The following ADGRD1 variants were observed in gnomAD, a reference collection of about 807,000 sequenced individuals.
ADGRD1 encodes the protein adhesion G protein-coupled receptor D1, also known as G-protein coupled receptor 133.
Under a neutral mutation model 113.4 loss-of-function variants are expected in ADGRD1, and 77 were observed. That is an observed-to-expected ratio of 0.68 (90% CI 0.57 to 0.82). The LOEUF (loss-of-function observed/expected upper bound fraction) is 0.82, where lower values mean the gene tolerates loss of function less well. Ranked by LOEUF, ADGRD1 falls within the 40% of genes least tolerant of loss-of-function variation. ADGRD1 has a pLI of 0.00. For missense variants in ADGRD1, 1,036 were observed against 1,139.1 expected (o/e 0.91, Z 1.30); for synonymous variants, 474 against 475.0 (o/e 1.00, Z 0.03).
intron 4 of ADGRD1, among the ~76,000 whole-genome samples, chr12:130,973,612 T>C (rs1322808487): frequency 2.6e-5 from 4 of 152,222 alleles, no homozygotes; most frequent in South Asian, 2.1e-4. Flanking sequence ...GCACCAATCC[T>C]TGGTCTAATC....
intron 4 of ADGRD1, among the ~76,000 whole-genome samples, chr12:130,979,318 T>C (rs1872686255): frequency 6.6e-6 from 1 of 152,152 alleles, no homozygotes; most frequent in African/African-American, 2.4e-5. Flanking sequence ...AAAAATAAAA[T>C]GGGGAAATTC....
intron 5 of ADGRD1, among the ~76,000 whole-genome samples, chr12:130,983,689 C>T (rs1300267298): frequency 6.6e-6 from 1 of 152,192 alleles, no homozygotes; most frequent in Non-Finnish European, 1.5e-5. Context: ...ATACTTTGGA[C>T]CAACCTAGGG....
In ADGRD1 at chr12:130,954,600, C is replaced by CA; in HGVS notation, c.67-23dup. ...CCGGAGGCTTTCCCTGAGTGTGTCT[C>CA]ACACTGTGGTCTTTTGTGCGCAGGT... is the stretch of plus-strand genomic sequence containing the variant. On this transcript the variant is annotated intron_variant, in intron 1 of 24. Coordinates refer to ENST00000261654, the MANE Select transcript of ADGRD1 (RefSeq NM_198827.5). This position sits in a 1 kb window ranked among gnomAD's most constrained non-coding sequence, Gnocchi z 4.7. The CA allele has an allele frequency of 6.2e-7, 1 of 1,614,088 alleles. No homozygotes were observed. The highest frequency in any genetic ancestry group is 8.5e-7 in the Non-Finnish European group (1 of 1,179,968).
At chr12:131,004,131 C>A in intron 10 of ADGRD1, 55 bp from the exon 11 acceptor site, 1 of 1,124,204 alleles carries the variant, frequency 8.9e-7, no homozygotes, top group Non-Finnish European at 1.4e-6. Context: ...AGTCTGATTT[C>A]CTGCAGCCTG....
At chr12:131,004,075 G>A (rs1304620295) in intron 10 of ADGRD1, 111 bp from the exon 11 acceptor site, 7 of 591,070 alleles carry the variant, frequency 1.2e-5, no homozygotes, top group African/African-American at 6.0e-5. Context: ...TATACTTCCC[G>A]TGGGGAGCTT....
chr12:131,054,039 AC>A (rs1472606199), intron 13 of ADGRD1, among the ~76,000 whole-genome samples: 1 of 152,062 alleles, frequency 6.6e-6, no homozygotes, highest in African/African-American at 2.4e-5. Context: ...TTAACCCCTC[AC>A]CACAAGAACC....
chr12:130,996,702 G>A (rs1351998091), intron 8 of ADGRD1, among the ~76,000 whole-genome samples: 6 of 97,552 alleles, frequency 6.2e-5, no homozygotes, highest in African/African-American at 2.5e-4. Context: ...TGGCCGGGCG[G>A]GGGGCTGACC....
At chr12:131,023,110 T>C (rs1010085735) in intron 13 of ADGRD1, 4 of 152,330 alleles carry the variant, frequency 2.6e-5, no homozygotes, top group Middle Eastern at 6.8e-3. Flanking sequence ...ACCCACACCC[T>C]TGTGGGAAAC....
At chr12:131,093,444 C>T (rs1887047743) in intron 15 of ADGRD1, among the ~76,000 whole-genome samples, 1 of 152,200 alleles carries the variant, frequency 6.6e-6, no homozygotes, top group Non-Finnish European at 1.5e-5. Flanking sequence ...GTTCTAGGCC[C>T]CGTGCCCCGC....
Position 130,992,241 on chromosome 12 carries a change from C to G in ADGRD1, c.815C>G (p.Pro272Arg), listed in dbSNP as rs765840885. ...CATGTTGCCAATTTCTTTCAGATGC[C>G]CACAGATGCCTACCATCCCATCATA... ...FMTSTASPVMPTDAYHPIITN... is the reference protein window; with the variant it reads ...FMTSTASPVMRTDAYHPIITN... Residue 272 changes from proline (P) to arginine (R), a missense_variant, in exon 8 of 25, where the codon CCC (proline) becomes CGC (arginine). Transcript: ENST00000261654. The G allele has an allele frequency of 6.2e-6, 10 of 1,608,126 alleles. No homozygotes were observed. Among genetic ancestry groups the G allele is most frequent in the Non-Finnish European group, 3.4e-6 (4 of 1,178,364 alleles).
chr12:131,090,211 A>T (rs1294723779), intron 15 of ADGRD1, among the ~76,000 whole-genome samples: 1 of 152,210 alleles, frequency 6.6e-6, no homozygotes, highest in Non-Finnish European at 1.5e-5. Flanking sequence ...ATGGTTTAAA[A>T]TTATCTGTGC....
intron 13 of ADGRD1, among the ~76,000 whole-genome samples, chr12:131,044,308 C>T (rs369712309): frequency 4.0e-4 from 61 of 152,126 alleles, no homozygotes; most frequent in Admixed American, 2.9e-3. Flanking sequence ...GCATCGGGGC[C>T]GAGGAGGCCA....
rs554415391 is a variant in ADGRD1 at position 131,119,520 on chromosome 12, C to T, written c.2108+1069C>T. 1.1e-4 allele frequency among the ~76,000 whole-genome samples: 16 copies of T among 152,326 alleles called. No individual in the cohort carries two copies. The South Asian group carries it at 2.7e-3, about 26-fold the overall frequency. On this transcript the variant is annotated intron_variant, in intron 19 of 24. Coordinates refer to ENST00000261654, the MANE Select transcript of ADGRD1 (RefSeq NM_198827.5). ...ATGCTGGACCCACAGTCCTGAGTCC[C>T]GGGGTCTGACCGTAATACAAGCCTT...
At position 131,076,883 on chromosome 12, in the gene ADGRD1, T is replaced by A; in HGVS notation, c.1547+9T>A. On this transcript the variant is annotated intron_variant, in intron 14 of 24. Transcript: ENST00000261654. Reference sequence around the variant, plus strand: ...GCCTTCCTGGACTTCAGGTACCCTCTGCACAGGGGAGAGCAGGTGGGCATG... The same window carrying A: ...GCCTTCCTGGACTTCAGGTACCCTCAGCACAGGGGAGAGCAGGTGGGCATG... 1.2e-6 allele frequency: 2 copies of A among 1,612,702 alleles called. No individual in the cohort carries two copies. The highest frequency in any genetic ancestry group is 1.7e-6 in the Non-Finnish European group (2 of 1,178,696).
intron 2 of ADGRD1, among the ~76,000 whole-genome samples, chr12:130,958,647 C>T (rs1445904428): frequency 6.6e-6 from 1 of 152,196 alleles, no homozygotes; most frequent in Non-Finnish European, 1.5e-5. Context: ...GGCTCGCCTG[C>T]CCCCGGGCAG....
intron 21 of ADGRD1, among the ~76,000 whole-genome samples, chr12:131,133,333 C>T (rs1411126077): frequency 1.3e-5 from 2 of 152,246 alleles, no homozygotes; most frequent in East Asian, 3.8e-4. Context: ...CGCACCTGTG[C>T]ACCGCCTTCC....
chr12:131,049,014 G>A (rs1335405745), intron 13 of ADGRD1, among the ~76,000 whole-genome samples: 1 of 152,260 alleles, frequency 6.6e-6, no homozygotes, highest in Non-Finnish European at 1.5e-5. Context: ...TGGGTTTTAA[G>A]GGATGGGAGA....
In ADGRD1 at chr12:130,954,874, C is replaced by A. The variant is rs555938591; in HGVS notation, c.103+214C>A. ...GGTGGATGGAGAAGTGGTTCTGGGCCCCTTGAGCTGGGTCATATGAAACAT... is the reference window on the plus strand; with the variant it reads ...GGTGGATGGAGAAGTGGTTCTGGGCACCTTGAGCTGGGTCATATGAAACAT... On this transcript the variant is annotated intron_variant, in intron 2 of 24. Transcript: ENST00000261654. This position sits in a 1 kb window ranked among gnomAD's most constrained non-coding sequence, Gnocchi z 4.7. Among the ~76,000 whole-genome samples the A allele has an allele frequency of 1.3e-5, 2 of 152,044 alleles. No individual in the cohort carries two copies. The highest frequency in any genetic ancestry group is 4.2e-4 in the South Asian group (2 of 4,804).
intron 15 of ADGRD1, among the ~76,000 whole-genome samples, chr12:131,095,897 G>A (rs906371406): frequency 2.0e-5 from 3 of 152,214 alleles, no homozygotes; most frequent in Non-Finnish European, 4.4e-5. Context: ...GAGGGGTTCT[G>A]TAGGTTGAAT....
Sources: gnomAD v4.1 joint callset for allele counts (sites outside exome capture counted in the v4.1 genomes callset) on GRCh38, gnomAD v4.1.1 for gene constraint, Gnocchi (gnomAD v3.1) non-coding constraint, MANE v1.5 for transcripts, NCBI Gene and HGNC (gene_info 2026-07-23, HGNC 2026-07-21) for gene names.